The following PCDHA4 variants were observed in gnomAD, a reference collection of about 807,000 sequenced individuals.
The protein encoded by PCDHA4 is protocadherin alpha-4.
Under a neutral mutation model 61.4 loss-of-function variants are expected in PCDHA4, and 49 were observed. That is an observed-to-expected ratio of 0.80 (90% CI 0.63 to 1.01). The LOEUF (loss-of-function observed/expected upper bound fraction) is 1.01, where lower values mean the gene tolerates loss of function less well. Ranked by LOEUF, PCDHA4 falls within the 50% of genes least tolerant of loss-of-function variation. The probability of loss-of-function intolerance (pLI) is 0.00; values close to 1 mark genes in which losing one functional copy is unlikely to be tolerated. For missense variants in PCDHA4, 1,254 were observed against 1,235.8 expected (o/e 1.01, Z -0.22); for synonymous variants, 590 against 550.3 (o/e 1.07, Z -1.01).
chr5:140,871,729 G>C, intron 1 of PCDHA4: 1 of 714,516 alleles, frequency 1.4e-6, no homozygotes, highest in Admixed American at 3.4e-5. Context: ...TTAATATTTG[G>C]TTAGCAAATC....
intron 1 of PCDHA4, among the ~76,000 whole-genome samples, chr5:140,905,700 A>G (rs926526227): frequency 3.9e-5 from 6 of 152,136 alleles, no homozygotes; most frequent in Non-Finnish European, 5.9e-5. Context: ...TGTGTCATTT[A>G]TGATTTCCTT....
chr5:140,834,360 A>G (rs1554134119), intron 1 of PCDHA4: 1 of 1,549,278 alleles, frequency 6.5e-7, no homozygotes. Context: ...TTTGCTGACT[A>G]GAAAAACAAG....
intron 3 of PCDHA4, 60 bp from the exon 4 acceptor site, chr5:141,009,567 A>T: frequency 6.3e-7 from 1 of 1,575,430 alleles, no homozygotes; most frequent in Admixed American, 1.8e-5. Flanking sequence ...CTCTACCAGC[A>T]GTGTGGCATC....
intron 1 of PCDHA4, among the ~76,000 whole-genome samples, chr5:140,976,828 C>G (rs935294640): frequency 6.6e-6 from 1 of 152,262 alleles, no homozygotes; most frequent in Admixed American, 6.5e-5. Flanking sequence ...GTCTAATGAG[C>G]AAAACAGATA....
At chr5:140,927,824 A>C in intron 1 of PCDHA4, 1 of 1,614,182 alleles carries the variant, frequency 6.2e-7, no homozygotes, top group Non-Finnish European at 8.5e-7. Context: ...GCATACATTG[A>C]GGCGAGGGAC....
At chr5:140,838,413 C>G (rs1304271115) in intron 1 of PCDHA4, among the ~76,000 whole-genome samples, 1 of 151,456 alleles carries the variant, frequency 6.6e-6, no homozygotes, top group East Asian at 1.9e-4. Flanking sequence ...AGTGAGCCAC[C>G]GCATCCGGCC....
intron 1 of PCDHA4, chr5:140,870,708 C>G (rs781841032): frequency 1.8e-5 from 29 of 1,612,898 alleles, no homozygotes; most frequent in Non-Finnish European, 2.5e-5. Context: ...TCCAGGTGAG[C>G]GCGCGCGATG....
intron 1 of PCDHA4, among the ~76,000 whole-genome samples, chr5:140,904,827 T>A (rs1554191731): frequency 2.0e-5 from 3 of 152,064 alleles, no homozygotes; most frequent in African/African-American, 7.2e-5. Context: ...AGCATTTTTT[T>A]ATATGTTTCA....
chr5:140,859,508 T>G (rs1298997050), intron 1 of PCDHA4: 1 of 197,594 alleles, frequency 5.1e-6, no homozygotes, highest in Non-Finnish European at 1.0e-5. Context: ...CTGATACCCA[T>G]GATTTCATTT....
At chr5:140,900,456 T>C (rs902615387) in intron 1 of PCDHA4, among the ~76,000 whole-genome samples, 3 of 152,210 alleles carry the variant, frequency 2.0e-5, no homozygotes, top group Non-Finnish European at 2.9e-5. Flanking sequence ...TTTTTATTTT[T>C]AGTAGACACG....
In PCDHA4 at chr5:140,987,930, G is replaced by T. The variant is rs554856826; in HGVS notation, c.2533+5367G>T. Among the ~76,000 whole-genome samples, 18 of 152,196 alleles carry T rather than the reference G, an allele frequency of 1.2e-4. No individual in the cohort carries two copies. The South Asian group carries it at 2.1e-3, about 18-fold the overall frequency. Reference sequence around the variant, plus strand: ...GATTTATATTCTTAATTGTCTCAAGGATTCTTACCTGTCTGACAAAACCAA... The same window carrying T: ...GATTTATATTCTTAATTGTCTCAAGTATTCTTACCTGTCTGACAAAACCAA... On this transcript the variant is annotated intron_variant, in intron 3 of 3. Transcript: ENST00000530339.
chr5:140,840,576 A>C (rs1264610441), intron 1 of PCDHA4, among the ~76,000 whole-genome samples: 1 of 152,090 alleles, frequency 6.6e-6, no homozygotes, highest in African/African-American at 2.4e-5. Flanking sequence ...GGCATGTCAG[A>C]GAAATCATAA....
intron 1 of PCDHA4, chr5:140,867,710 G>A (rs2050114623): frequency 6.6e-6 from 1 of 151,674 alleles, no homozygotes; most frequent in Non-Finnish European, 1.5e-5. Context: ...AAATCCTAAG[G>A]GTATATGAAA....
chr5:140,969,391 A>G, intron 1 of PCDHA4: 2 of 1,592,664 alleles, frequency 1.3e-6, no homozygotes, highest in South Asian at 2.3e-5. Flanking sequence ...ATCCCCCAAT[A>G]TCCTGTGATT....
intron 3 of PCDHA4, 116 bp from the exon 4 acceptor site, chr5:141,009,511 G>A (rs2098410295): frequency 2.7e-5 from 41 of 1,498,054 alleles, no homozygotes; most frequent in Admixed American, 9.3e-5. Context: ...CAAACAACTC[G>A]TGATTTTTCT....
chr5:140,862,359 C>T (rs1364549064), intron 1 of PCDHA4: 3 of 337,738 alleles, frequency 8.9e-6, no homozygotes, highest in African/African-American at 4.3e-5. Flanking sequence ...AAGGGACAGA[C>T]GACCCGCACC....
chr5:140,887,788 G>A (rs1384145646), intron 1 of PCDHA4, among the ~76,000 whole-genome samples: 4 of 152,006 alleles, frequency 2.6e-5, no homozygotes, highest in Admixed American at 6.6e-5. Flanking sequence ...TCATTGAAGC[G>A]TTCTTTATTT....
At chr5:141,000,824 T>C (rs1477357302) in intron 3 of PCDHA4, among the ~76,000 whole-genome samples, 1 of 152,064 alleles carries the variant, frequency 6.6e-6, no homozygotes, top group Non-Finnish European at 1.5e-5. Context: ...GGAGGATCAC[T>C]TGAGTCCAGG....
At chr5:140,827,018 T>C (rs1218420283) in intron 1 of PCDHA4, among the ~76,000 whole-genome samples, 1 of 152,184 alleles carries the variant, frequency 6.6e-6, no homozygotes, top group Non-Finnish European at 1.5e-5. Context: ...TCATTAAAAA[T>C]ATGAATTTAA....
Sources: gnomAD v4.1 joint callset for allele counts (sites outside exome capture counted in the v4.1 genomes callset) on GRCh38, gnomAD v4.1.1 for gene constraint, MANE v1.5 for transcripts, NCBI Gene and HGNC (gene_info 2026-07-23, HGNC 2026-07-21) for gene names.